The following MAN1A1 variants were observed in gnomAD, a reference collection of about 807,000 sequenced individuals.
MAN1A1 encodes mannosidase alpha class 1A member 1.
Under a neutral mutation model 70.8 loss-of-function variants are expected in MAN1A1, and 29 were observed. The observed-to-expected ratio is 0.41, with a 90% CI of 0.31 to 0.56. MAN1A1 has a LOEUF of 0.56. Ranked by LOEUF, MAN1A1 falls within the 20% of genes least tolerant of loss-of-function variation. The pLI, the probability that MAN1A1 is intolerant of heterozygous loss-of-function variation, is 0.29. For missense variants in MAN1A1, 747 were observed against 841.3 expected (o/e 0.89, Z 1.39); for synonymous variants, 349 against 330.1 (o/e 1.06, Z -0.62).
At chr6:119,328,038 T>C (rs1773201703) in intron 2 of MAN1A1, among the ~76,000 whole-genome samples, 1 of 152,168 alleles carries the variant, frequency 6.6e-6, no homozygotes, top group African/African-American at 2.4e-5. Context: ...ACAGCTCATT[T>C]TTGGCCTTAT....
At chr6:119,337,731 C>T (rs1446954092) in intron 2 of MAN1A1, among the ~76,000 whole-genome samples, 1 of 152,124 alleles carries the variant, frequency 6.6e-6, no homozygotes, top group Non-Finnish European at 1.5e-5. Flanking sequence ...TAATAAATCA[C>T]CTTCATTTTC....
At chr6:119,316,133 AGATCTTTAGT>A (rs1255992894) in intron 2 of MAN1A1, among the ~76,000 whole-genome samples, 19 of 151,054 alleles carry the variant, frequency 1.3e-4, no homozygotes, top group African/African-American at 4.4e-4. Flanking sequence ...CAGCAACTAC[AGATCTTTAGT>A]GATCAAGAGA....
At chr6:119,258,283 G>A (rs1483061803) in intron 5 of MAN1A1, among the ~76,000 whole-genome samples, 1 of 152,182 alleles carries the variant, frequency 6.6e-6, no homozygotes, top group Non-Finnish European at 1.5e-5. Flanking sequence ...AGCCTCATCT[G>A]TGCATATACA....
chr6:119,188,411 G>A lies in MAN1A1; in HGVS notation c.1713C>T (p.Ala571=), dbSNP rs1227429309. Reference sequence around the variant, plus strand: ...ATGCAAATTAAAACATCACCTCTACGGCTTCCCAGGCCCATTTCCTGTACT... The same window carrying A: ...ATGCAAATTAAAACATCACCTCTACAGCTTCCCAGGCCCATTTCCTGTACT... The part of the protein sequence containing the change: ...DPKYRKWAWE[A]VEALENHCRV... The change falls in exon 11 of 13, where the codon GCC becomes GCT. Residue 571 remains alanine (A), a synonymous_variant. Transcript: ENST00000368468. 2.5e-6 allele frequency: 4 copies of A among 1,603,536 alleles called. No homozygotes were observed. Among genetic ancestry groups the A allele is most frequent in the Admixed American group, 1.7e-5 (1 of 57,556 alleles).
At chr6:119,189,143 A>G (rs1193434072) in intron 10 of MAN1A1, among the ~76,000 whole-genome samples, 1 of 152,140 alleles carries the variant, frequency 6.6e-6, no homozygotes, top group Non-Finnish European at 1.5e-5. Flanking sequence ...TTTAACCCCC[A>G]TTTACTGAGC....
At chr6:119,219,363 C>G (rs1015330705) in intron 6 of MAN1A1, among the ~76,000 whole-genome samples, 5 of 152,116 alleles carry the variant, frequency 3.3e-5, no homozygotes, top group African/African-American at 1.2e-4. Context: ...TATGCACTTA[C>G]AGAATTTTCA....
At chr6:119,309,847 C>T (rs1772652300) in intron 2 of MAN1A1, among the ~76,000 whole-genome samples, 1 of 151,596 alleles carries the variant, frequency 6.6e-6, no homozygotes, top group East Asian at 1.9e-4. Context: ...TTCCCCTTGA[C>T]TCCATGCTTA....
chr6:119,194,017 C>G, intron 8 of MAN1A1, 125 bp from the exon 9 acceptor site: 1 of 578,326 alleles, frequency 1.7e-6, no homozygotes, highest in Non-Finnish European at 3.1e-6. Flanking sequence ...ATTTAAATTC[C>G]AACAAATCTC....
At chr6:119,348,326 C>T (rs555939522) in intron 2 of MAN1A1, 137 bp downstream of exon 2, 9 of 829,040 alleles carry the variant, frequency 1.1e-5, no homozygotes, top group East Asian at 5.6e-5. Flanking sequence ...GAGCTTTTGA[C>T]ACAGCACCTG....
intron 9 of MAN1A1, among the ~76,000 whole-genome samples, chr6:119,190,559 T>C (rs886245223): frequency 6.6e-6 from 1 of 152,196 alleles, no homozygotes; most frequent in African/African-American, 2.4e-5. Flanking sequence ...CAAGTGGCAC[T>C]TGATAAGAGT....
At chr6:119,264,471 T>C (rs1775694244) in intron 5 of MAN1A1, among the ~76,000 whole-genome samples, 1 of 152,230 alleles carries the variant, frequency 6.6e-6, no homozygotes, top group African/African-American at 2.4e-5. Flanking sequence ...AGGTCCTGAA[T>C]GTGCAGTTTA....
intron 4 of MAN1A1, among the ~76,000 whole-genome samples, chr6:119,300,698 A>C (rs1423955116): frequency 6.6e-6 from 1 of 152,188 alleles, no homozygotes; most frequent in Non-Finnish European, 1.5e-5. Flanking sequence ...GCAAATCACT[A>C]GCTCCTTATG....
At chr6:119,349,969 C>T (rs922078873), upstream of MAN1A1, among the ~76,000 whole-genome samples, 38 of 151,978 alleles carry the variant, frequency 2.5e-4, no homozygotes, top group Non-Finnish European at 4.3e-4. Flanking sequence ...GGCCGGGAGG[C>T]GCGAGGTAGG....
chr6:119,246,055 G>A (rs1027890379), intron 6 of MAN1A1, among the ~76,000 whole-genome samples: 1 of 152,110 alleles, frequency 6.6e-6, no homozygotes, highest in Non-Finnish European at 1.5e-5. Context: ...CTACTTGGCA[G>A]TTGGAAATAA....
chr6:119,301,320 C>A (rs1403610594), intron 4 of MAN1A1, among the ~76,000 whole-genome samples: 1 of 152,122 alleles, frequency 6.6e-6, no homozygotes, highest in African/African-American at 2.4e-5. Context: ...GCTGATAAGA[C>A]GTAGTCCTCC....
At chr6:119,269,262 T>C in intron 5 of MAN1A1, 1 of 285,102 alleles carries the variant, frequency 3.5e-6, no homozygotes, top group Non-Finnish European at 6.9e-6. Context: ...TTCTTCCTCT[T>C]CTCCTGGGTG....
intron 5 of MAN1A1, among the ~76,000 whole-genome samples, chr6:119,289,542 G>A (rs1024903025): frequency 6.6e-6 from 1 of 150,644 alleles, no homozygotes; most frequent in South Asian, 2.1e-4. Context: ...AAAAAAGGGA[G>A]GAAGAGGCAT....
chr6:119,314,077 A>G (rs921350729), intron 2 of MAN1A1, among the ~76,000 whole-genome samples: 3 of 151,980 alleles, frequency 2.0e-5, no homozygotes, highest in African/African-American at 7.3e-5. Flanking sequence ...CTCTGTTTTT[A>G]GGTCTGTGGG....
chr6:119,323,602 T>C (rs1773075741), intron 2 of MAN1A1, among the ~76,000 whole-genome samples: 1 of 152,182 alleles, frequency 6.6e-6, no homozygotes. Context: ...GTGGAAGGTA[T>C]GGGAATGTGC....
Sources: allele counts gnomAD v4.1 joint callset (sites outside exome capture counted in the v4.1 genomes callset), GRCh38; gene constraint gnomAD v4.1.1; transcripts MANE v1.5; gene names NCBI Gene and HGNC (gene_info 2026-07-23, HGNC 2026-07-21).